Variants in ZNF536 observed in about 807,000 individuals in gnomAD.
ZNF536 encodes zinc finger protein 536.
ZNF536 carries 13 observed loss-of-function variants against 84.5 expected under a neutral mutation model. The observed-to-expected ratio is 0.15, with a 90% CI of 0.10 to 0.24. The LOEUF (loss-of-function observed/expected upper bound fraction) is 0.24. Ranked by LOEUF, ZNF536 falls within the 10% of genes least tolerant of loss-of-function variation. The pLI is 1.00. For synonymous variants in ZNF536, 811 were observed against 742.5 expected, an observed-to-expected ratio of 1.09 and a Z score of -1.50; for missense variants, 1,536 against 1,747.5, an observed-to-expected ratio of 0.88 and a Z score of 2.16.
chr19:30,383,664 C>T lies in ZNF536; in HGVS notation c.-3+11108C>T, dbSNP rs7258552. 4.0e-3 allele frequency among the ~76,000 whole-genome samples: 50 copies of T among 12,492 alleles called. 4 individuals are homozygous for T. The highest frequency in any genetic ancestry group is 7.0e-3 in the African/African-American group (22 of 3,154). The allele number at this position is 12,492 out of a possible 152,430, so 8.2% of individuals were successfully genotyped here. ...TTCCTTCCTTTCTTTCTCTCTTTCT[C>T]TTTCTTTCTTCCTTTCTTCCTTCCT... is the stretch of plus-strand genomic sequence containing the variant. On this transcript the variant is annotated intron_variant, in intron 1 of 4. Coordinates refer to ENST00000355537, the MANE Select transcript of ZNF536 (RefSeq NM_014717.3).
Position 30,444,015 on chromosome 19 carries a change from G to A in ZNF536, c.453G>A (p.Thr151=), listed in dbSNP as rs771040026. ...GCATCCTCTCCCTGCACATGCGCACGCACACGGGCGAGAAGCCCTTCAAGT... is the reference window on the plus strand; with the variant it reads ...GCATCCTCTCCCTGCACATGCGCACACACACGGGCGAGAAGCCCTTCAAGT... ...FNSILSLHMR[T]HTGEKPFKCP... Residue 151 remains threonine, a synonymous_variant, in exon 2 of 5, where the codon ACG becomes ACA. Transcript: ENST00000355537. 1.9e-6 allele frequency: 3 copies of A among 1,613,684 alleles called. No homozygotes were observed. The highest frequency in any genetic ancestry group is 2.2e-5 in the South Asian group (2 of 91,090).
At chr19:30,257,581 A>G (rs918865504) in intron 1 of ZNF536, among the ~76,000 whole-genome samples, 1 of 152,250 alleles carries the variant, frequency 6.6e-6, no homozygotes, top group African/African-American at 2.4e-5. Context: ...GAACTCCAGG[A>G]TCCTGAGCTC....
chr19:30,288,322 A>G (rs1468024486), intron 2 of ZNF536, among the ~76,000 whole-genome samples: 1 of 152,146 alleles, frequency 6.6e-6, no homozygotes, highest in East Asian at 1.9e-4. Flanking sequence ...TGTCCTCTTC[A>G]GCCCTGCCAT....
At chr19:30,364,215 A>C (rs1355433430) in intron 3 of ZNF536, among the ~76,000 whole-genome samples, 1 of 152,200 alleles carries the variant, frequency 6.6e-6, no homozygotes, top group Non-Finnish European at 1.5e-5. Flanking sequence ...ACACAGGGAA[A>C]GTGGGAATGG....
At chr19:30,606,287 AAAAT>A (rs375839523) in intron 1 of ZNF536, among the ~76,000 whole-genome samples, 8,459 of 53,722 alleles carry the variant, frequency 0.16, 434 homozygotes, top group South Asian at 0.23. Flanking sequence ...AAAATAAAAT[AAAAT>A]AAATAAAATA....
At chr19:30,658,024 C>G (rs956435794) in intron 1 of ZNF536, among the ~76,000 whole-genome samples, 14 of 151,430 alleles carry the variant, frequency 9.2e-5, no homozygotes, top group African/African-American at 3.1e-4. Flanking sequence ...CCATTCCCCC[C>G]CCCCTTTTTT....
intron 1 of ZNF536, among the ~76,000 whole-genome samples, chr19:30,443,193 C>T (rs762896196): frequency 3.9e-5 from 6 of 151,938 alleles, no homozygotes; most frequent in African/African-American, 7.3e-5. Context: ...AAACTTTGGA[C>T]GGAACCAACA....
chr19:30,591,437 C>T (rs571009678), intron 1 of ZNF536, among the ~76,000 whole-genome samples: 16 of 152,286 alleles, frequency 1.1e-4, no homozygotes, highest in South Asian at 6.2e-4. Flanking sequence ...TCTTCCATGG[C>T]GGCAGGTGAG....
At chr19:30,620,255 G>A (rs1247643333) in intron 1 of ZNF536, among the ~76,000 whole-genome samples, 9 of 151,960 alleles carry the variant, frequency 5.9e-5, no homozygotes, top group Admixed American at 3.3e-4. Context: ...AAGCTGGGCC[G>A]GTGTTGCCAC....
At chr19:30,622,365 T>C (rs1258624357) in intron 1 of ZNF536, among the ~76,000 whole-genome samples, 3 of 152,190 alleles carry the variant, frequency 2.0e-5, no homozygotes, top group Non-Finnish European at 4.4e-5. Flanking sequence ...CAATTTTCCT[T>C]TGGTTTTTGG....
chr19:30,371,485 G>A (rs985420507), upstream of ZNF536, among the ~76,000 whole-genome samples: 1 of 151,842 alleles, frequency 6.6e-6, no homozygotes, highest in Non-Finnish European at 1.5e-5. Context: ...TGGCATATGC[G>A]TTTGGGCCAA....
At chr19:30,234,865 C>T (rs990671239) in intron 1 of ZNF536, among the ~76,000 whole-genome samples, 11 of 152,134 alleles carry the variant, frequency 7.2e-5, no homozygotes, top group African/African-American at 2.7e-4. Flanking sequence ...GCCCATTCAG[C>T]CTTAATTATA....
intron 1 of ZNF536, among the ~76,000 whole-genome samples, chr19:30,418,681 G>A (rs2050832818): frequency 6.6e-6 from 1 of 152,164 alleles, no homozygotes; most frequent in Admixed American, 6.5e-5. Flanking sequence ...GGTTGGAAGG[G>A]TGTCTATGAT....
At chr19:30,538,611 G>A (rs1436509395) in intron 3 of ZNF536, among the ~76,000 whole-genome samples, 1 of 152,108 alleles carries the variant, frequency 6.6e-6, no homozygotes, top group Non-Finnish European at 1.5e-5. Context: ...CTTCAGCCAG[G>A]TCCTCAGGGG....
At chr19:30,605,966 G>A (rs1173998156) in intron 1 of ZNF536, among the ~76,000 whole-genome samples, 2 of 151,994 alleles carry the variant, frequency 1.3e-5, no homozygotes, top group Admixed American at 1.3e-4. Flanking sequence ...GGAGTTAGAG[G>A]TGGGAGGCCA....
At chr19:30,245,937 G>C (rs1340278056) in intron 1 of ZNF536, among the ~76,000 whole-genome samples, 1 of 152,234 alleles carries the variant, frequency 6.6e-6, no homozygotes, top group Non-Finnish European at 1.5e-5. Flanking sequence ...TCGCTGCTGA[G>C]AGCCAGCTGT....
intron 2 of ZNF536, among the ~76,000 whole-genome samples, chr19:30,286,512 GAGAGAC>G (rs1165385864): frequency 3.5e-4 from 52 of 147,348 alleles, no homozygotes; most frequent in East Asian, 2.4e-3. Context: ...GACAGAGAAA[GAGAGAC>G]AGAGACAGAG....
chr19:30,460,604 C>T (rs1300159168), intron 2 of ZNF536, among the ~76,000 whole-genome samples: 1 of 152,156 alleles, frequency 6.6e-6, no homozygotes, highest in Non-Finnish European at 1.5e-5. Context: ...AATACTGAGT[C>T]TCATCTCAGC....
At chr19:30,668,148 TC>T (rs2050405245) in intron 1 of ZNF536, among the ~76,000 whole-genome samples, 1 of 152,160 alleles carries the variant, frequency 6.6e-6, no homozygotes. Context: ...AATTTTTAGT[TC>T]ATGATGATGG....
Sources: allele counts gnomAD v4.1 joint callset (sites outside exome capture counted in the v4.1 genomes callset), GRCh38; gene constraint gnomAD v4.1.1; transcripts MANE v1.5; gene names NCBI Gene and HGNC (gene_info 2026-07-23, HGNC 2026-07-21).